The following TSR1 variants were observed in gnomAD, a reference collection of about 807,000 sequenced individuals.
TSR1 encodes the protein pre-rRNA-processing protein TSR1 homolog.
Under a neutral mutation model 90.9 loss-of-function variants are expected in TSR1, and 81 were observed. That is an observed-to-expected ratio of 0.89 (90% CI 0.74 to 1.07). TSR1 has a LOEUF of 1.07. Ranked by LOEUF, TSR1 falls within the 50% of genes least tolerant of loss-of-function variation. TSR1 has a pLI of 0.00. For missense variants in TSR1, 989 were observed against 987.3 expected (o/e 1.00, Z -0.02); for synonymous variants, 362 against 348.8 (o/e 1.04, Z -0.42).
Position 2,323,097 on chromosome 17 carries a change from T to C in TSR1, c.*1099A>G. 1 of 1,597,294 alleles carries C rather than the reference T, an allele frequency of 6.3e-7. No homozygotes were observed. Among genetic ancestry groups the C allele is most frequent in the East Asian group, 2.2e-5 (1 of 44,770 alleles). Reference sequence around the variant, plus strand: ...TCTTTTAGACATGCAGGCAATGTTGTGGTTTGTTGTTAAGATGTCTTAATA... The same window carrying C: ...TCTTTTAGACATGCAGGCAATGTTGCGGTTTGTTGTTAAGATGTCTTAATA... On this transcript the variant is annotated 3_prime_UTR_variant, in exon 15 of 15. Transcript: ENST00000301364.
chr17:2,334,736 C>T lies in TSR1; in HGVS notation c.717G>A (p.Gln239=). The T allele has an allele frequency of 6.2e-7, 1 of 1,614,140 alleles. No homozygotes were observed. The highest frequency in any genetic ancestry group is 8.5e-7 in the Non-Finnish European group (1 of 1,180,044). ...CTCGAAAAGCAAGATGCTGTTGCTT[C>T]TGGTTAGCCAACTGCCTAAGCAGCA... ...AGMLLRQLAN[Q]KQQHLAFRDR... Residue 239 remains glutamine, a synonymous_variant, in exon 5 of 15, where the codon CAG becomes CAA. Transcript: ENST00000301364.
intron 10 of TSR1, 23 bp from the exon 11 acceptor site, chr17:2,329,498 A>G: frequency 3.1e-6 from 5 of 1,612,966 alleles, no homozygotes; most frequent in Non-Finnish European, 4.2e-6. Context: ...TAAGAAAAAC[A>G]AAAATCTTCA....
chr17:2,335,593 C>G lies in TSR1; in HGVS notation c.339G>C (p.Leu113Phe). Reference protein sequence around the residue: ...LQDRDTGTVHLNELGNTQNFM... With the variant: ...LQDRDTGTVHFNELGNTQNFM... Reference sequence around the variant, plus strand: ...AGTTCTGGGTGTTTCCCAATTCATTCAAGTGTACTGTTCCAGTGTCCCTAT... The same window carrying G: ...AGTTCTGGGTGTTTCCCAATTCATTGAAGTGTACTGTTCCAGTGTCCCTAT... The change falls in exon 3 of 15, where the codon TTG (leucine) becomes TTC (phenylalanine). Residue 113 changes from leucine to phenylalanine, a missense_variant. Transcript: ENST00000301364. 1 of 1,614,204 alleles carries G rather than the reference C, an allele frequency of 6.2e-7. No homozygotes were observed. Among genetic ancestry groups the G allele is most frequent in the Non-Finnish European group, 8.5e-7 (1 of 1,180,040 alleles).
chr17:2,331,664 C>G (rs1226691241), intron 8 of TSR1, among the ~76,000 whole-genome samples: 1 of 152,190 alleles, frequency 6.6e-6, no homozygotes, highest in African/African-American at 2.4e-5. Flanking sequence ...TCTGCAGGAC[C>G]ATGACCCAAT....
At chr17:2,334,444 G>A in intron 5 of TSR1, 28 bp downstream of exon 5, 2 of 1,592,600 alleles carry the variant, frequency 1.3e-6, no homozygotes, top group Non-Finnish European at 1.7e-6. Context: ...ACTTTCATAT[G>A]AACATGAATT....
chr17:2,325,086 C>T (rs1410002740), intron 12 of TSR1: 10 of 592,674 alleles, frequency 1.7e-5, no homozygotes, highest in Non-Finnish European at 2.6e-5. Context: ...GGATGTTGAA[C>T]AAAAGGCAGT....
intron 10 of TSR1, 124 bp from the exon 11 acceptor site, chr17:2,329,599 G>A: frequency 8.3e-7 from 1 of 1,205,862 alleles, no homozygotes; most frequent in Non-Finnish European, 1.2e-6. Context: ...GCTAATTAAT[G>A]GTGGAGTGTA....
In TSR1 at chr17:2,334,904, C is replaced by A. The variant is rs866237836; in HGVS notation, c.557-8G>T. 3.7e-6 allele frequency: 6 copies of A among 1,601,946 alleles called. No individual in the cohort carries two copies. The highest frequency in any genetic ancestry group is 5.1e-6 in the Non-Finnish European group (6 of 1,174,670). On this transcript the variant is annotated splice_polypyrimidine_tract_variant and splice_region_variant and intron_variant, in intron 4 of 14. Coordinates refer to ENST00000301364, the MANE Select transcript of TSR1 (RefSeq NM_018128.5). The stretch of plus-strand genomic sequence containing the variant: ...TCCCCTGGACAGCTAGTGCTGTAAG[C>A]GAAAGAGAAAACGCTTCATGACCTA...
At chr17:2,328,336 C>T (rs1238521401) in intron 11 of TSR1, among the ~76,000 whole-genome samples, 1 of 151,010 alleles carries the variant, frequency 6.6e-6, no homozygotes, top group South Asian at 2.1e-4. Flanking sequence ...CACCTGAGAC[C>T]AGGAGTTCAA....
rs531270344 is a variant in TSR1 at position 2,329,382 on chromosome 17, G to A, written c.1864C>T (p.Arg622Cys). 2.8e-5 allele frequency: 45 copies of A among 1,614,142 alleles called. No individual in the cohort carries two copies. In the East Asian group the frequency reaches 3.3e-4, roughly 12 times the overall value. The change falls in exon 11 of 15, where the codon CGC becomes TGC. Residue 622 changes from arginine to cysteine, a missense_variant. By Grantham distance (180) the Arg-to-Cys change is radical (BLOSUM62 -3). Coordinates refer to ENST00000301364, the MANE Select transcript of TSR1 (RefSeq NM_018128.5). ...EELIFHCGFRRFRASPLFSQH... is the reference protein window; with the variant it reads ...EELIFHCGFRCFRASPLFSQH... Reference sequence around the variant, plus strand: ...GAGAATAAAGGTGAGGCTCGGAAGCGCCTGAATCCACAGTGAAATATGAGC... The same window carrying A: ...GAGAATAAAGGTGAGGCTCGGAAGCACCTGAATCCACAGTGAAATATGAGC...
chr17:2,323,116 C>A lies in TSR1; in HGVS notation c.*1080G>T. On this transcript the variant is annotated 3_prime_UTR_variant, in exon 15 of 15. Coordinates refer to ENST00000301364, the MANE Select transcript of TSR1 (RefSeq NM_018128.5). ...ATGTTGTGGTTTGTTGTTAAGATGT[C>A]TTAATATTCCTCTTCCCAGGCTCTG... 6.2e-7 allele frequency: 1 copy of A among 1,612,396 alleles called. No individual in the cohort carries two copies. The highest frequency in any genetic ancestry group is 8.5e-7 in the Non-Finnish European group (1 of 1,178,472).
In TSR1 at chr17:2,336,151, G is replaced by T. The variant is rs940770535; in HGVS notation, c.98-11C>A. On this transcript the variant is annotated splice_polypyrimidine_tract_variant and intron_variant, in intron 1 of 14. Coordinates refer to ENST00000301364, the MANE Select transcript of TSR1 (RefSeq NM_018128.5). ...TCAGTGCCAGACGGCCTGAATGGCA[G>T]ATTAGAAGGGGCTGGTGTGATCGGC... is the stretch of plus-strand genomic sequence containing the variant. 3 of 1,613,324 alleles carry T rather than the reference G, an allele frequency of 1.9e-6. No individual in the cohort carries two copies. The highest frequency in any genetic ancestry group is 1.3e-5 in the African/African-American group (1 of 74,922).
chr17:2,326,149 C>A (rs1363561768), intron 11 of TSR1, among the ~76,000 whole-genome samples: 3 of 152,010 alleles, frequency 2.0e-5, no homozygotes, highest in Non-Finnish European at 4.4e-5. Context: ...TTCAAGGTAG[C>A]CCTCACCTCC....
intron 2 of TSR1, 103 bp downstream of exon 2, chr17:2,335,934 G>A (rs2064067148): frequency 2.2e-6 from 3 of 1,346,464 alleles, no homozygotes; most frequent in Admixed American, 1.8e-5. Flanking sequence ...CTAGGGCTAT[G>A]CTCTGTCCCT....
In TSR1 at chr17:2,323,815, C is replaced by G; in HGVS notation, c.*381G>C. On this transcript the variant is annotated 3_prime_UTR_variant, in exon 15 of 15. Coordinates refer to ENST00000301364, the MANE Select transcript of TSR1 (RefSeq NM_018128.5). The stretch of plus-strand genomic sequence containing the variant: ...GGTGGAAATGTAGACTTAACCTCCT[C>G]CATAACTTGGGTGAAGCAGGCTGAA... The G allele has an allele frequency of 6.2e-7, 1 of 1,614,206 alleles. No homozygotes were observed. Among genetic ancestry groups the G allele is most frequent in the East Asian group, 2.2e-5 (1 of 44,886 alleles).
chr17:2,323,425 G>A lies in TSR1; in HGVS notation c.*771C>T. The A allele has an allele frequency of 2.6e-6, 4 of 1,521,732 alleles. No homozygotes were observed. The highest frequency in any genetic ancestry group is 3.6e-6 in the Non-Finnish European group (4 of 1,103,898). 94.3% of individuals were successfully genotyped at this position (1,521,732 alleles called of 1,614,324 possible). Reference sequence around the variant, plus strand: ...AAGAAACTTCCCTTAGGAGTAGCAAGTGACCCACGGGAACCTGACTAGGTA... The same window carrying A: ...AAGAAACTTCCCTTAGGAGTAGCAAATGACCCACGGGAACCTGACTAGGTA... On this transcript the variant is annotated 3_prime_UTR_variant, in exon 15 of 15. Coordinates refer to ENST00000301364, the MANE Select transcript of TSR1 (RefSeq NM_018128.5).
rs1037781122 is a variant in TSR1 at position 2,329,419 on chromosome 17, T to C, written c.1827A>G (p.Lys609=). 6 of 1,614,186 alleles carry C rather than the reference T, an allele frequency of 3.7e-6. No homozygotes were observed. The highest frequency in any genetic ancestry group is 5.1e-6 in the Non-Finnish European group (6 of 1,180,032). ...RRDPGNTEPV[K]AKEELIFHCG... ...AGTGAAATATGAGCTCTTCCTTGGC[T>C]TTCACAGGTTCAGTGTTGCCAGGGT... The change falls in exon 11 of 15, where the codon AAA becomes AAG. Residue 609 remains lysine (K), a synonymous_variant. Coordinates refer to ENST00000301364, the MANE Select transcript of TSR1 (RefSeq NM_018128.5).
In TSR1 at chr17:2,333,067, T is replaced by TA; in HGVS notation, c.1198dup (p.Tyr400LeufsTer4). The stretch of plus-strand genomic sequence containing the variant: ...ACCATCCAAAATCCATTCAGCTTGG[T>TA]AACTGGATGTTCCTTTGGGGACCTT... On this transcript the variant is annotated frameshift_variant, in exon 7 of 15. Transcript: ENST00000301364. LOFTEE classifies it high-confidence loss of function. The TA allele has an allele frequency of 6.2e-7, 1 of 1,614,188 alleles. No individual in the cohort carries two copies. The highest frequency in any genetic ancestry group is 1.1e-5 in the South Asian group (1 of 91,082).
At chr17:2,331,960 T>C (rs555068640) in intron 8 of TSR1, among the ~76,000 whole-genome samples, 1 of 152,342 alleles carries the variant, frequency 6.6e-6, no homozygotes, top group Non-Finnish European at 1.5e-5. Context: ...ATTCAAGTCC[T>C]GTAACGTGAG....
Sources: gnomAD v4.1 joint callset for allele counts (sites outside exome capture counted in the v4.1 genomes callset) on GRCh38, gnomAD v4.1.1 for gene constraint, MANE v1.5 for transcripts, NCBI Gene and HGNC (gene_info 2026-07-23, HGNC 2026-07-21) for gene names.